TSPAN9: variants seen among roughly 807,000 people sequenced by gnomAD.
The protein encoded by TSPAN9 is tetraspanin 9, also known as tetraspanin-9.
A neutral mutation model predicts 31.0 loss-of-function variants in TSPAN9; 16 were observed. The observed-to-expected ratio is 0.52, with a 90% CI of 0.35 to 0.78. The LOEUF is 0.78. Among genes scored for constraint, TSPAN9 ranks in the 30% least tolerant of loss-of-function variants. The probability of loss-of-function intolerance (pLI) is 0.01; values close to 1 mark genes in which losing one functional copy is unlikely to be tolerated. For synonymous variants in TSPAN9, 145 were observed against 121.6 expected, an observed-to-expected ratio of 1.19 and a Z score of -1.27; for missense variants, 272 against 312.5, an observed-to-expected ratio of 0.87 and a Z score of 0.98.
Position 3,187,423 on chromosome 12 carries a change from C to A in TSPAN9, c.-17-13754C>A, listed in dbSNP as rs1010765481. Among the ~76,000 whole-genome samples the A allele has an allele frequency of 6.6e-6, 1 of 152,168 alleles. No individual in the cohort carries two copies. The highest frequency in any genetic ancestry group is 2.4e-5 in the African/African-American group (1 of 41,432). On this transcript the variant is annotated intron_variant, in intron 2 of 8. Transcript: ENST00000011898. This position sits in a 1 kb window ranked among gnomAD's most constrained non-coding sequence, Gnocchi z 5.2. ...TGGGTACGTGTATGTCCAGGAGTGG[C>A]CAGCTTCGTCCATAAAAGCAGGGCC...
chr12:3,078,979 T>C (rs920575538), intron 1 of TSPAN9, among the ~76,000 whole-genome samples: 1 of 92,790 alleles, frequency 1.1e-5, no homozygotes. Context: ...TGAAATTTGT[T>C]ACTTTTTTTT....
chr12:3,122,293 C>G (rs2098325478), intron 2 of TSPAN9, among the ~76,000 whole-genome samples: 1 of 150,778 alleles, frequency 6.6e-6, no homozygotes, highest in Non-Finnish European at 1.5e-5. Flanking sequence ...TGCACTCCAG[C>G]CTGGGCGACA....
chr12:3,103,345 T>G (rs762553779), intron 2 of TSPAN9, among the ~76,000 whole-genome samples: 2 of 152,202 alleles, frequency 1.3e-5, no homozygotes, highest in Non-Finnish European at 2.9e-5. Flanking sequence ...TTACTGAGGA[T>G]TCTTATGTTG....
Position 3,283,399 on chromosome 12 carries a change from A to C in TSPAN9, c.*283A>C. ...GTGGGCTGGGGTGCGCTCCGGAGGA[A>C]CCCCCGGCACTGATGGGCTTCTGCC... On this transcript the variant is annotated 3_prime_UTR_variant, in exon 9 of 9. Coordinates refer to ENST00000011898, the MANE Select transcript of TSPAN9 (RefSeq NM_006675.5). The C allele has an allele frequency of 2.9e-6, 1 of 340,602 alleles. No homozygotes were observed. The highest frequency in any genetic ancestry group is 5.3e-6 in the Non-Finnish European group (1 of 187,496). 21.1% of individuals were successfully genotyped at this position (340,602 alleles called of 1,614,324 possible).
chr12:3,228,361 T>C (rs1398269920), intron 3 of TSPAN9, among the ~76,000 whole-genome samples: 1 of 152,180 alleles, frequency 6.6e-6, no homozygotes, highest in Admixed American at 6.5e-5. Context: ...CCAGACCCTC[T>C]CTCTTAAAAA....
chr12:3,131,900 A>C (rs1422466901), intron 2 of TSPAN9, among the ~76,000 whole-genome samples: 2 of 152,172 alleles, frequency 1.3e-5, no homozygotes, highest in African/African-American at 4.8e-5. Context: ...CATCACCCTG[A>C]CTATGAATCC....
intron 2 of TSPAN9, among the ~76,000 whole-genome samples, chr12:3,160,001 TA>T: frequency 6.6e-6 from 1 of 152,328 alleles, no homozygotes; most frequent in African/African-American, 2.4e-5. Flanking sequence ...TCAAGTTGTA[TA>T]ACCACTGCCA....
chr12:3,265,690 C>T (rs1471994996), intron 3 of TSPAN9, among the ~76,000 whole-genome samples: 2 of 152,210 alleles, frequency 1.3e-5, no homozygotes, highest in Non-Finnish European at 2.9e-5. Flanking sequence ...GTCTGGGTCC[C>T]TCCACTTCTT....
At position 3,176,255 on chromosome 12, in the gene TSPAN9, G is replaced by C. The variant is rs181786389; in HGVS notation, c.-17-24922G>C. ...CAGTGTGCAGAGTGAGAGTCTGAAT[G>C]GGGGGAGCCCAGCGATTGGAGAAGA... On this transcript the variant is annotated intron_variant, in intron 2 of 8. Transcript: ENST00000011898. Among the ~76,000 whole-genome samples, 312 of 152,342 alleles carry C rather than the reference G, an allele frequency of 2.0e-3. 1 individual carries two copies. Among genetic ancestry groups the C allele is most frequent in the African/African-American group, 7.2e-3 (301 of 41,572 alleles).
At chr12:3,270,296 G>A (rs1389086614) in intron 3 of TSPAN9, among the ~76,000 whole-genome samples, 3 of 152,150 alleles carry the variant, frequency 2.0e-5, no homozygotes, top group East Asian at 1.9e-4. Context: ...GACCTGCATC[G>A]TCCTGTAGCC....
In TSPAN9 at chr12:3,163,289, C is replaced by A. The variant is rs547569581; in HGVS notation, c.-17-37888C>A. Among the ~76,000 whole-genome samples the A allele has an allele frequency of 3.3e-5, 5 of 152,326 alleles. No individual in the cohort carries two copies. In the East Asian group the frequency reaches 5.8e-4, roughly 18 times the overall value. ...CCAGCTTAAATGTCTTGTCTATAAG[C>A]CCCATAATTGAATATGACAATCCCA... On this transcript the variant is annotated intron_variant, in intron 2 of 8. Coordinates refer to ENST00000011898, the MANE Select transcript of TSPAN9 (RefSeq NM_006675.5).
At chr12:3,099,042 G>A (rs2098310570) in intron 2 of TSPAN9, among the ~76,000 whole-genome samples, 1 of 152,078 alleles carries the variant, frequency 6.6e-6, no homozygotes, top group Non-Finnish European at 1.5e-5. Flanking sequence ...TGTGAGCCAT[G>A]GTGCCTGGCC....
intron 2 of TSPAN9, among the ~76,000 whole-genome samples, chr12:3,196,411 CTG>C (rs2098367117): frequency 6.6e-6 from 1 of 152,134 alleles, no homozygotes. Flanking sequence ...CTTTAAGAGT[CTG>C]TTAGCCTGGA....
At chr12:3,203,942 G>A (rs1416786566) in intron 3 of TSPAN9, among the ~76,000 whole-genome samples, 3 of 152,194 alleles carry the variant, frequency 2.0e-5, no homozygotes, top group African/African-American at 7.2e-5. Flanking sequence ...AGGAGCAGAG[G>A]AAAGAGCAGA....
At position 3,229,169 on chromosome 12, in the gene TSPAN9, G is replaced by C. The variant is rs539508942; in HGVS notation, c.63+27913G>C. On this transcript the variant is annotated intron_variant, in intron 3 of 8. Transcript: ENST00000011898. ...GAGCCACCATTCAACCCATGGCATAGAGCATCCCCAGCTACTGTGGGCACA... is the reference window on the plus strand; with the variant it reads ...GAGCCACCATTCAACCCATGGCATACAGCATCCCCAGCTACTGTGGGCACA... Among the ~76,000 whole-genome samples the C allele has an allele frequency of 7.2e-5, 11 of 152,318 alleles. No homozygotes were observed. The South Asian group carries it at 2.3e-3, about 32-fold the overall frequency.
intron 2 of TSPAN9, among the ~76,000 whole-genome samples, chr12:3,105,732 G>T (rs1450406411): frequency 1.4e-5 from 2 of 141,326 alleles, no homozygotes; most frequent in African/African-American, 5.0e-5. Flanking sequence ...GTGTGCACGC[G>T]CGTGCACACA....
chr12:3,183,343 C>T (rs1313597999), intron 2 of TSPAN9, among the ~76,000 whole-genome samples: 8 of 152,180 alleles, frequency 5.3e-5, no homozygotes, highest in South Asian at 2.1e-4. Flanking sequence ...GGATTTTCTC[C>T]GCAGCTGGCG....
intron 3 of TSPAN9, among the ~76,000 whole-genome samples, chr12:3,218,619 TG>T (rs1461514169): frequency 6.6e-6 from 1 of 151,880 alleles, no homozygotes; most frequent in Non-Finnish European, 1.5e-5. Context: ...GACCTGGGAA[TG>T]GGGAGGAGGA....
chr12:3,133,401 G>C (rs998164606), intron 2 of TSPAN9, among the ~76,000 whole-genome samples: 1 of 150,858 alleles, frequency 6.6e-6, no homozygotes, highest in African/African-American at 2.4e-5. Context: ...TTTTTTTGCT[G>C]TAAAAAATAA....
Sources: gnomAD v4.1 joint callset for allele counts (sites outside exome capture counted in the v4.1 genomes callset) on GRCh38, gnomAD v4.1.1 for gene constraint, Gnocchi (gnomAD v3.1) non-coding constraint, MANE v1.5 for transcripts, NCBI Gene and HGNC (gene_info 2026-07-23, HGNC 2026-07-21) for gene names.